DSCAM: variants seen among roughly 807,000 people sequenced by gnomAD.
DSCAM encodes the protein cell adhesion molecule DSCAM.
Under a neutral mutation model 217.7 loss-of-function variants are expected in DSCAM, and 47 were observed. The observed-to-expected ratio is 0.22, with a 90% CI of 0.17 to 0.28. The LOEUF (loss-of-function observed/expected upper bound fraction) is 0.28. Ranked by LOEUF, DSCAM falls within the 10% of genes least tolerant of loss-of-function variation. DSCAM has a pLI of 1.00. For synonymous variants in DSCAM, 1,056 were observed against 1,015.3 expected (o/e 1.04, Z -0.76); for missense variants, 2,080 against 2,618.3 (o/e 0.79, Z 4.49).
chr21:40,670,956 G>C (rs1452987451), intron 3 of DSCAM, among the ~76,000 whole-genome samples: 1 of 152,140 alleles, frequency 6.6e-6, no homozygotes, highest in African/African-American at 2.4e-5. Flanking sequence ...AGAGAAAATA[G>C]TCTCCATTAA....
chr21:40,061,671 C>T (rs1004804074), intron 28 of DSCAM, among the ~76,000 whole-genome samples: 2 of 152,096 alleles, frequency 1.3e-5, no homozygotes, highest in South Asian at 4.1e-4. Context: ...AACAAAATGT[C>T]TGTAGGATGG....
At chr21:40,846,497 A>T in intron 1 of DSCAM, 122 bp downstream of exon 1, 1 of 327,552 alleles carries the variant, frequency 3.1e-6, no homozygotes, top group Non-Finnish European at 5.1e-6. Context: ...ACGAAATTTT[A>T]AACACAGATG....
chr21:40,524,365 A>G (rs568904110), intron 3 of DSCAM, among the ~76,000 whole-genome samples: 2 of 151,894 alleles, frequency 1.3e-5, no homozygotes, highest in Non-Finnish European at 2.9e-5. Context: ...CTATGTTTTT[A>G]TTTTTAAACT....
rs1568981429 is a variant in DSCAM, at chr21:40,682,609, A to AGAGAGAG, written c.508+10200_508+10201insCTCTCTC. On this transcript the variant is annotated intron_variant, in intron 3 of 32. Coordinates refer to ENST00000400454, the MANE Select transcript of DSCAM (RefSeq NM_001389.5). The stretch of plus-strand genomic sequence containing the variant: ...AAAGAGAGAGAGAAAGAGAGAAAGA[A>AGAGAGAG]AGAAAGAGAAAGAGAAAGAGAGAGA... 4.2e-3 allele frequency among the ~76,000 whole-genome samples: 162 copies of AGAGAGAG among 38,834 alleles called. 1 individual carries two copies. The highest frequency in any genetic ancestry group is 0.015 in the African/African-American group (142 of 9,690). The allele number at this position is 38,834 out of a possible 152,430, so 25.5% of individuals were successfully genotyped here.
intron 1 of DSCAM, among the ~76,000 whole-genome samples, chr21:40,816,445 G>C (rs1014566604): frequency 1.3e-5 from 2 of 152,132 alleles, no homozygotes; most frequent in African/African-American, 4.8e-5. Context: ...CAGGTGTGGT[G>C]GCATGCACCT....
At chr21:40,032,004 TACA>T (rs1281951294) in intron 32 of DSCAM, among the ~76,000 whole-genome samples, 2 of 152,216 alleles carry the variant, frequency 1.3e-5, no homozygotes, top group Non-Finnish European at 2.9e-5. Context: ...TCTGGCCTCC[TACA>T]ACTCCACAAA....
intron 2 of DSCAM, 90 bp downstream of exon 2, chr21:40,708,364 C>G (rs2090739951): frequency 1.8e-6 from 2 of 1,141,302 alleles, no homozygotes; most frequent in Admixed American, 3.0e-5. Flanking sequence ...CATTGGTTCT[C>G]TGCTGTGATG....
At chr21:40,596,146 A>G (rs2077019995) in intron 3 of DSCAM, among the ~76,000 whole-genome samples, 3 of 152,182 alleles carry the variant, frequency 2.0e-5, no homozygotes. Flanking sequence ...GAAGGACCCT[A>G]ATATCGTCAC....
At chr21:40,531,712 C>T (rs946040248) in intron 3 of DSCAM, among the ~76,000 whole-genome samples, 3 of 152,230 alleles carry the variant, frequency 2.0e-5, no homozygotes, top group Non-Finnish European at 2.9e-5. Flanking sequence ...TGGCATGCAG[C>T]ACATTCCCTG....
intron 16 of DSCAM, among the ~76,000 whole-genome samples, chr21:40,161,407 CCA>C (rs904064099): frequency 4.9e-5 from 7 of 142,850 alleles, no homozygotes; most frequent in Admixed American, 1.4e-4. Context: ...TCTAGAAAGT[CCA>C]CAGTTTTTTT....
At chr21:40,238,111 C>A (rs1261511970) in intron 11 of DSCAM, among the ~76,000 whole-genome samples, 1 of 152,078 alleles carries the variant, frequency 6.6e-6, no homozygotes, top group Non-Finnish European at 1.5e-5. Context: ...GGAAAGATGG[C>A]CCTCCCTGGG....
rs558943594 is a variant in DSCAM, at chr21:40,706,214, A to C, written c.361+2240T>G. ...AAAAAAAAGAAAGAAAGAAAGAAAG[A>C]AAGCACAGTCTGCTAAGGAGAAAAC... On this transcript the variant is annotated intron_variant, in intron 2 of 32. Transcript: ENST00000400454. 7.0e-4 allele frequency among the ~76,000 whole-genome samples: 107 copies of C among 151,790 alleles called. 1 individual carries two copies. Among genetic ancestry groups the C allele is most frequent in the Middle Eastern group, 3.4e-3 (1 of 294 alleles).
intron 1 of DSCAM, among the ~76,000 whole-genome samples, chr21:40,729,488 C>A (rs1377164291): frequency 6.6e-6 from 1 of 152,144 alleles, no homozygotes; most frequent in African/African-American, 2.4e-5. Flanking sequence ...CTAGGTATGC[C>A]GTGTAGTCCT....
chr21:40,563,581 GTTTATA>G, intron 3 of DSCAM, among the ~76,000 whole-genome samples: 1 of 76,374 alleles, frequency 1.3e-5, no homozygotes. Context: ...ATAGTTATAT[GTTTATA>G]TGTTTATATG....
intron 10 of DSCAM, 69 bp from the exon 11 acceptor site, chr21:40,276,339 G>C: frequency 7.0e-7 from 1 of 1,433,032 alleles, no homozygotes; most frequent in Non-Finnish European, 9.4e-7. Context: ...ACGAGTTCAA[G>C]TACACACAGA....
At chr21:40,163,483 G>T (rs1422963578) in intron 16 of DSCAM, among the ~76,000 whole-genome samples, 6 of 151,986 alleles carry the variant, frequency 3.9e-5, no homozygotes, top group South Asian at 2.1e-4. Context: ...TTGTCTTTTG[G>T]ATTTCTGTCA....
At chr21:40,318,295 G>A (rs919170020) in intron 8 of DSCAM, among the ~76,000 whole-genome samples, 13 of 150,308 alleles carry the variant, frequency 8.6e-5, no homozygotes, top group African/African-American at 2.2e-4. Context: ...TGTAACTAAC[G>A]TGTACATTGT....
At chr21:40,697,780 A>G (rs575482519) in intron 2 of DSCAM, among the ~76,000 whole-genome samples, 4 of 152,296 alleles carry the variant, frequency 2.6e-5, no homozygotes, top group African/African-American at 9.6e-5. Context: ...TGATACCTAC[A>G]GCTTTGTTCT....
chr21:40,606,586 T>C (rs1439171402), intron 3 of DSCAM, among the ~76,000 whole-genome samples: 1 of 152,144 alleles, frequency 6.6e-6, no homozygotes, highest in Non-Finnish European at 1.5e-5. Context: ...ACCAAACGGG[T>C]GCATGGGAGT....
Sources: gnomAD v4.1 joint callset for allele counts (sites outside exome capture counted in the v4.1 genomes callset) on GRCh38, gnomAD v4.1.1 for gene constraint, MANE v1.5 for transcripts, NCBI Gene and HGNC (gene_info 2026-07-23, HGNC 2026-07-21) for gene names.